Variants in TOP3B observed in about 807,000 individuals in gnomAD.
TOP3B encodes the protein DNA topoisomerase III beta.
Under a neutral mutation model 93.9 loss-of-function variants are expected in TOP3B, and 45 were observed. The ratio of observed to expected loss-of-function variants is 0.48; its 90% CI spans 0.38 to 0.61. The LOEUF is 0.61. Among genes scored for constraint, TOP3B ranks in the 20% least tolerant of loss-of-function variants. The pLI, the probability that TOP3B is intolerant of heterozygous loss-of-function variation, is 0.00. For synonymous variants in TOP3B, 357 were observed against 472.6 expected (o/e 0.76, Z 3.17); for missense variants, 750 against 1,156.1 (o/e 0.65, Z 5.09).
rs375801513 is a variant in TOP3B at position 21,963,896 on chromosome 22, A to G, written c.1204+27T>C. 18 of 1,610,162 alleles carry G rather than the reference A, an allele frequency of 1.1e-5. No individual in the cohort carries two copies. The highest frequency in any genetic ancestry group is 3.3e-5 in the Admixed American group (2 of 59,928). On this transcript the variant is annotated intron_variant, in intron 11 of 17. Transcript: ENST00000357179. This position sits in a 1 kb window ranked among gnomAD's most constrained non-coding sequence, Gnocchi z 4.8. ...AGCTCGCCCTTCCCTCCCTGGAAGC[A>G]CACCGGGTATGGGATGAGAGCGGTA...
Position 21,971,171 on chromosome 22 carries a change from AG to A in TOP3B, c.384+705del. ...GGAGAGGGTATCTGGGAAGAGACAG[AG>A]TGTGATCGCATTTGCTGAGGGTGCT... is the stretch of plus-strand genomic sequence containing the variant. On this transcript the variant is annotated intron_variant, in intron 5 of 17. Coordinates refer to ENST00000357179, the MANE Select transcript of TOP3B (RefSeq NM_001282112.2). This position sits in a 1 kb window ranked among gnomAD's most constrained non-coding sequence, Gnocchi z 4.6. 1 of 663,688 alleles carries A rather than the reference AG, an allele frequency of 1.5e-6. No homozygotes were observed. Among genetic ancestry groups the A allele is most frequent in the Non-Finnish European group, 2.3e-6 (1 of 438,394 alleles). 41.1% of individuals were successfully genotyped at this position (663,688 alleles called of 1,614,324 possible).
chr22:21,967,910 CA>C, intron 7 of TOP3B, 194 bp from the exon 8 acceptor site: 1 of 562,848 alleles, frequency 1.8e-6, no homozygotes, highest in Non-Finnish European at 3.2e-6. Flanking sequence ...CCACTTGCCC[CA>C]AAACCAGGCA....
At chr22:21,958,833 C>T in intron 16 of TOP3B, 140 bp from the exon 17 acceptor site, 5 of 1,345,564 alleles carry the variant, frequency 3.7e-6, no homozygotes, top group East Asian at 2.5e-5. Context: ...GCATGAGTCT[C>T]TGGCTCTTGC....
At chr22:21,972,508 C>G in intron 4 of TOP3B, 104 bp downstream of exon 4, 1 of 866,644 alleles carries the variant, frequency 1.2e-6, no homozygotes, top group South Asian at 1.8e-5. Context: ...CAAAGGCCCC[C>G]CTGTCCAAGG....
intron 1 of TOP3B, 37 bp from the exon 2 acceptor site, chr22:21,975,844 G>A (rs1345748866): frequency 1.6e-6 from 2 of 1,270,706 alleles, no homozygotes; most frequent in African/African-American, 1.5e-5. Context: ...TAGCAATGCT[G>A]TCAATAGAAC....
At chr22:21,981,100 C>A (rs1245870566) in intron 1 of TOP3B, among the ~76,000 whole-genome samples, 1 of 152,212 alleles carries the variant, frequency 6.6e-6, no homozygotes, top group Non-Finnish European at 1.5e-5. Flanking sequence ...CTGAGTTTCC[C>A]ATCTCTTCCA....
intron 1 of TOP3B, among the ~76,000 whole-genome samples, chr22:21,981,329 T>C (rs1462621047): frequency 6.6e-6 from 1 of 152,148 alleles, no homozygotes; most frequent in Non-Finnish European, 1.5e-5. Flanking sequence ...ACTTGGTTGT[T>C]CTAGAACCCG....
At chr22:21,965,220 G>A (rs2071367580) in intron 9 of TOP3B, 65 bp downstream of exon 9, 8 of 1,257,724 alleles carry the variant, frequency 6.4e-6, no homozygotes, top group Middle Eastern at 2.0e-4. Flanking sequence ...CTGGGCACTC[G>A]CTGCTCCAGG....
intron 2 of TOP3B, 173 bp downstream of exon 2, chr22:21,975,467 T>C (rs535575449): frequency 1.6e-6 from 1 of 637,746 alleles, no homozygotes; most frequent in African/African-American, 1.9e-5. Context: ...CTTTGGCACA[T>C]TGCCAGGAGT....
intron 1 of TOP3B, among the ~76,000 whole-genome samples, chr22:21,979,787 A>G (rs1409971982): frequency 1.4e-5 from 2 of 146,590 alleles, no homozygotes; most frequent in Non-Finnish European, 2.9e-5. Context: ...TAAAAATACT[A>G]AAAATTAGCT....
rs2071788987 is a variant in TOP3B at position 21,974,680 on chromosome 22, C to T, written c.71-192G>A. On this transcript the variant is annotated intron_variant, in intron 2 of 17. Transcript: ENST00000357179. ...GGACGGCGCTCAGGGAAAACAGCAT[C>T]TGCCAACAACCTAGCACAGAGCACT... The T allele has an allele frequency of 6.9e-6, 4 of 583,708 alleles. No individual in the cohort carries two copies. The East Asian group carries it at 9.3e-5, about 14-fold the overall frequency. The allele number at this position is 583,708 out of a possible 1,614,324, so 36.2% of individuals were successfully genotyped here. A position where few individuals can be genotyped will look rare whatever the true frequency, so the allele number is the denominator to read the frequency against.
At position 21,964,162 on chromosome 22, in the gene TOP3B, G is replaced by C. The variant is rs1335202500; in HGVS notation, c.1097C>G (p.Thr366Arg). Reference sequence around the variant, plus strand: ...TGAGGCCGGCCCGGCTCCACTCACCGTGTCGGCCCAGTAGGGGTGGTTGGC... The same window carrying C: ...TGAGGCCGGCCCGGCTCCACTCACCCTGTCGGCCCAGTAGGGGTGGTTGGC... ...QQANHPYWAD[T>R]VKRLLAEGIN... is the part of the protein sequence containing the mutation. Residue 366 changes from threonine to arginine, a missense_variant and splice_region_variant, in exon 10 of 18, where the codon ACG (threonine) becomes AGG (arginine). Thr to Arg is a moderately conservative substitution (Grantham distance 71, BLOSUM62 -1). Coordinates refer to ENST00000357179, the MANE Select transcript of TOP3B (RefSeq NM_001282112.2). 1.2e-6 allele frequency: 2 copies of C among 1,613,976 alleles called. No homozygotes were observed. Among genetic ancestry groups the C allele is most frequent in the Non-Finnish European group, 1.7e-6 (2 of 1,180,004 alleles).
intron 3 of TOP3B, chr22:21,973,787 A>G (rs920643872): frequency 6.6e-6 from 1 of 152,402 alleles, no homozygotes; most frequent in Non-Finnish European, 1.5e-5. Context: ...AGCAGATGGC[A>G]TTGCTGTGAG....
intron 11 of TOP3B, 58 bp from the exon 12 acceptor site, chr22:21,962,951 G>T: frequency 6.3e-7 from 1 of 1,595,706 alleles, no homozygotes; most frequent in Admixed American, 1.7e-5. Flanking sequence ...GCCGTGAGGA[G>T]CCCCCAGTAC....
At chr22:21,959,011 TTA>T in intron 16 of TOP3B, 119 bp downstream of exon 16, 1 of 1,447,798 alleles carries the variant, frequency 6.9e-7, no homozygotes, top group Non-Finnish European at 9.2e-7. Flanking sequence ...CAAGGCCTCT[TTA>T]TGTTCCATCA....
Position 21,975,661 on chromosome 22 carries a change from T to C in TOP3B, c.49A>G (p.Ile17Val), listed in dbSNP as rs774405121. The change falls in exon 2 of 18, where the codon ATT becomes GTT. Residue 17 changes from isoleucine (I) to valine (V), a missense_variant. By Grantham distance (29) the Ile-to-Val change is conservative (BLOSUM62 3). Around this residue, in one of 4 missense-constraint regions of TOP3B, gnomAD observed 737 missense variants for 933.7 expected, o/e 0.79. Coordinates refer to ENST00000357179, the MANE Select transcript of TOP3B (RefSeq NM_001282112.2). ...CTACCTCTAGAGAGGATTTTGGCAATTGACTGTGCCAAGGACGGCTTTTCA... is the reference window on the plus strand; with the variant it reads ...CTACCTCTAGAGAGGATTTTGGCAACTGACTGTGCCAAGGACGGCTTTTCA... ...VAEKPSLAQS[I>V]AKILSRGSLS... The C allele has an allele frequency of 1.3e-5, 21 of 1,611,924 alleles. No homozygotes were observed. The highest frequency in any genetic ancestry group is 1.8e-5 in the Non-Finnish European group (21 of 1,178,462).
In TOP3B at chr22:21,959,180, C is replaced by A; in HGVS notation, c.1857G>T (p.Lys619Asn). 1 of 1,613,794 alleles carries A rather than the reference C, an allele frequency of 6.2e-7. No homozygotes were observed. The highest frequency in any genetic ancestry group is 1.7e-4 in the Middle Eastern group (1 of 6,060). The change falls in exon 16 of 18, where the codon AAG becomes AAT. Residue 619 changes from lysine (K) to asparagine (N), a missense_variant. Around this residue, in one of 4 missense-constraint regions of TOP3B, gnomAD observed 737 missense variants for 933.7 expected, o/e 0.79. Transcript: ENST00000357179. ...GGCACTTCCCACAGCGTGAGAGGGG[C>A]TTGCCTGTGGCCGCCAGGGGCGAGA... ...VSFSPLAATG[K>N]PLSRCGKCHR...
intron 4 of TOP3B, 55 bp from the exon 5 acceptor site, chr22:21,972,006 C>T (rs376034069): frequency 4.8e-5 from 72 of 1,495,644 alleles, no homozygotes; most frequent in African/African-American, 3.3e-4. Flanking sequence ...CTGTGCCACC[C>T]GCCCCCAGTG....
intron 1 of TOP3B, among the ~76,000 whole-genome samples, chr22:21,980,226 G>A (rs2084600294): frequency 6.6e-6 from 1 of 152,234 alleles, no homozygotes; most frequent in African/African-American, 2.4e-5. Context: ...GGGCCTGGAG[G>A]TCAGGGCTGG....
Sources: gnomAD v4.1 joint callset for allele counts (sites outside exome capture counted in the v4.1 genomes callset) on GRCh38, gnomAD v4.1.1 for gene constraint, gnomAD v4.1.1 regional missense constraint, Gnocchi (gnomAD v3.1) non-coding constraint, MANE v1.5 for transcripts, NCBI Gene and HGNC (gene_info 2026-07-23, HGNC 2026-07-21) for gene names.